The following RGS6 variants were observed in gnomAD, a reference collection of about 807,000 sequenced individuals.
RGS6 encodes regulator of G-protein signaling 6.
RGS6 carries 30 observed loss-of-function variants against 78.5 expected under a neutral mutation model. The observed-to-expected ratio is 0.38, with a 90% confidence interval of 0.29 to 0.52. The LOEUF (loss-of-function observed/expected upper bound fraction) is 0.52, where lower values mean the gene tolerates loss of function less well. RGS6 is among the 20% of genes least tolerant of loss of function. The pLI is 0.85. For synonymous variants in RGS6, 206 were observed against 206.0 expected, an observed-to-expected ratio of 1.00 and a Z score of 0.00; for missense variants, 495 against 609.7, an observed-to-expected ratio of 0.81 and a Z score of 1.98.
In RGS6 at chr14:72,433,058, G is replaced by A. The variant is rs545382999; in HGVS notation, c.185-21470G>A. Among the ~76,000 whole-genome samples the A allele has an allele frequency of 6.8e-4, 103 of 152,280 alleles. 1 individual carries two copies. The highest frequency in any genetic ancestry group is 2.3e-3 in the African/African-American group (97 of 41,560). On this transcript the variant is annotated intron_variant, in intron 3 of 17. Coordinates refer to ENST00000553525, the MANE Select transcript of RGS6 (RefSeq NM_001204424.2). ...CTATTCATTTCCTTAGCCCTGAACC[G>A]TCCAATGACCACACGCAACTTGACT... is the stretch of plus-strand genomic sequence containing the variant.
At chr14:72,000,215 G>A (rs571046509) in intron 2 of RGS6, among the ~76,000 whole-genome samples, 18 of 152,316 alleles carry the variant, frequency 1.2e-4, no homozygotes, top group South Asian at 8.3e-4. Flanking sequence ...TCGCTCAGGC[G>A]GTTGTTGTAA....
chr14:71,939,535 C>G (rs565267911), intron 1 of RGS6, among the ~76,000 whole-genome samples: 3 of 152,226 alleles, frequency 2.0e-5, no homozygotes, highest in Non-Finnish European at 4.4e-5. Context: ...AGGTATATTG[C>G]TAGCCTTGCC....
intron 13 of RGS6, among the ~76,000 whole-genome samples, chr14:72,505,578 T>G (rs772922843): frequency 3.9e-5 from 6 of 152,208 alleles, no homozygotes; most frequent in Non-Finnish European, 7.3e-5. Context: ...GCTTGTATAT[T>G]CCCCAAGTCT....
intron 2 of RGS6, among the ~76,000 whole-genome samples, chr14:72,267,041 G>T (rs2059177287): frequency 6.6e-6 from 1 of 152,158 alleles, no homozygotes; most frequent in African/African-American, 2.4e-5. Context: ...TTGCTCTGTT[G>T]CCCAGGCTGG....
chr14:72,085,034 C>T (rs2094971518), intron 2 of RGS6, among the ~76,000 whole-genome samples: 1 of 152,180 alleles, frequency 6.6e-6, no homozygotes, highest in Non-Finnish European at 1.5e-5. Flanking sequence ...GCAACATTAT[C>T]TTCATCATCA....
At chr14:72,513,536 A>G (rs1021368351) in intron 14 of RGS6, among the ~76,000 whole-genome samples, 6 of 152,210 alleles carry the variant, frequency 3.9e-5, no homozygotes, top group African/African-American at 1.4e-4. Flanking sequence ...GTGGACCCAC[A>G]GACAGCTGTT....
chr14:72,209,790 A>G (rs2043608338), intron 2 of RGS6, among the ~76,000 whole-genome samples: 1 of 152,142 alleles, frequency 6.6e-6, no homozygotes, highest in Admixed American at 6.6e-5. Context: ...CTCCATCTAT[A>G]ACTAATTCGT....
intron 2 of RGS6, among the ~76,000 whole-genome samples, chr14:72,104,690 A>G (rs1286053591): frequency 6.6e-6 from 1 of 152,216 alleles, no homozygotes; most frequent in Non-Finnish European, 1.5e-5. Context: ...TATCAAGTTG[A>G]TTATAAACAC....
intron 2 of RGS6, among the ~76,000 whole-genome samples, chr14:72,112,273 T>G (rs1317017157): frequency 6.6e-6 from 1 of 152,206 alleles, no homozygotes; most frequent in Non-Finnish European, 1.5e-5. Context: ...CACTTACGTT[T>G]GCATTTCTTT....
At chr14:72,292,829 C>T (rs576782807) in intron 2 of RGS6, among the ~76,000 whole-genome samples, 18 of 152,206 alleles carry the variant, frequency 1.2e-4, no homozygotes, top group Non-Finnish European at 2.5e-4. Flanking sequence ...ATCTCACCAC[C>T]TCCTGAACTG....
chr14:71,926,585 G>GAAAAAAAA, the RGS6 span, among the ~76,000 whole-genome samples: 26 of 51,262 alleles, frequency 5.1e-4, 1 homozygote, highest in African/African-American at 1.3e-3. Context: ...CTCTGTCTCA[G>GAAAAAAAA]AAAAAAAAAA....
intron 15 of RGS6, among the ~76,000 whole-genome samples, chr14:72,526,910 C>T (rs1241612499): frequency 1.3e-5 from 2 of 152,202 alleles, no homozygotes; most frequent in African/African-American, 2.4e-5. Context: ...AGCTCATTTT[C>T]CCTAGGCTTC....
At chr14:72,156,353 G>C (rs2096770297) in intron 2 of RGS6, among the ~76,000 whole-genome samples, 1 of 151,728 alleles carries the variant, frequency 6.6e-6, no homozygotes, top group African/African-American at 2.4e-5. Context: ...AGCTGAGGCA[G>C]GAGAATCACT....
intron 3 of RGS6, among the ~76,000 whole-genome samples, chr14:72,411,473 T>C (rs1045409471): frequency 1.1e-4 from 16 of 152,162 alleles, no homozygotes; most frequent in African/African-American, 2.4e-4. Flanking sequence ...GGAGCTGAGA[T>C]GATGGGGTTT....
chr14:71,980,163 A>G (rs868240879), intron 2 of RGS6, among the ~76,000 whole-genome samples: 1,249 of 110,814 alleles, frequency 0.011, 20 homozygotes, highest in African/African-American at 0.041. Flanking sequence ...GTCTCTGCAC[A>G]TGAGATGGGT....
chr14:72,494,596 CA>C (rs2096619805), intron 12 of RGS6, among the ~76,000 whole-genome samples: 2 of 152,080 alleles, frequency 1.3e-5, no homozygotes, highest in African/African-American at 4.8e-5. Flanking sequence ...TAAATTATAT[CA>C]ATCTATAAGA....
At chr14:72,620,243 C>T in the RGS6 span, among the ~76,000 whole-genome samples, 1 of 152,302 alleles carries the variant, frequency 6.6e-6, no homozygotes, top group East Asian at 1.9e-4. Flanking sequence ...TCCAAGACGC[C>T]TTCTGTGACT....
At position 72,275,719 on chromosome 14, in the gene RGS6, G is replaced by A. The variant is rs113138816; in HGVS notation, c.85-76376G>A. ...CTTCCACACACTACCAGTGTCTCTCGCTTATTTCCTCCCAACTCTAATGTT... is the reference window on the plus strand; with the variant it reads ...CTTCCACACACTACCAGTGTCTCTCACTTATTTCCTCCCAACTCTAATGTT... On this transcript the variant is annotated intron_variant, in intron 2 of 17. Coordinates refer to ENST00000553525, the MANE Select transcript of RGS6 (RefSeq NM_001204424.2). 9.0e-3 allele frequency among the ~76,000 whole-genome samples: 1,375 copies of A among 152,224 alleles called. 12 individuals carry two copies. Among genetic ancestry groups the A allele is most frequent in the South Asian group, 0.023 (112 of 4,818 alleles).
chr14:72,495,782 A>G (rs1814668452), intron 13 of RGS6, among the ~76,000 whole-genome samples: 2 of 152,196 alleles, frequency 1.3e-5, no homozygotes, highest in South Asian at 4.1e-4. Context: ...AGGGCTCCAG[A>G]ACCATGATTT....
Sources: gnomAD v4.1 joint callset for allele counts (sites outside exome capture counted in the v4.1 genomes callset) on GRCh38, gnomAD v4.1.1 for gene constraint, MANE v1.5 for transcripts, NCBI Gene and HGNC (gene_info 2026-07-23, HGNC 2026-07-21) for gene names.